OR2T1: variants seen among roughly 807,000 people sequenced by gnomAD.
OR2T1 encodes the protein olfactory receptor family 2 subfamily T member 1.
For synonymous variants in OR2T1, 186 were observed against 145.4 expected (o/e 1.28, Z -2.01); for missense variants, 440 against 390.2 (o/e 1.13, Z -1.07).
At chr1:248,404,245 G>GGCTGCTATTACAT in intron 1 of OR2T1, among the ~76,000 whole-genome samples, 29 of 151,068 alleles carry the variant, frequency 1.9e-4, no homozygotes, top group South Asian at 1.0e-3. Flanking sequence ...AGACAGCAGA[G>GGCTGCTATTACAT]ACCACTGTTT....
chr1:248,405,004 C>A (rs1661525464), intron 1 of OR2T1, among the ~76,000 whole-genome samples: 1 of 152,076 alleles, frequency 6.6e-6, no homozygotes, highest in Admixed American at 6.6e-5. Context: ...TACTTCTTAG[C>A]ATGACACTTT....
Position 248,406,557 on chromosome 1 carries a change from G to A in OR2T1, c.410G>A (p.Arg137His), listed in dbSNP as rs141385938. Residue 137 changes from arginine to histidine, a missense_variant, in exon 2 of 2, where the codon CGC becomes CAC. Coordinates refer to ENST00000642005, the MANE Select transcript of OR2T1 (RefSeq NM_030904.2). ...CTGAGATACCCTGTCCTCATGAGCC[G>A]CCGGGTCTGTTGGATGATTATAGCA... ...NPLRYPVLMS[R>H]RVCWMIIAGS... The A allele has an allele frequency of 1.9e-5, 30 of 1,614,088 alleles. 1 individual carries two copies. The highest frequency in any genetic ancestry group is 1.5e-4 in the Admixed American group (9 of 60,002).
chr1:248,406,966 C>A lies in OR2T1; in HGVS notation c.819C>A (p.Leu273=), dbSNP rs762761236. ...SYHKPAQDKV[L]SVFYTILTPM... ...ACAAGCCAGCCCAGGACAAAGTCCT[C>A]TCTGTGTTTTACACCATTCTCACAC... Residue 273 remains leucine (L), a synonymous_variant, in exon 2 of 2, where the codon CTC becomes CTA. Transcript: ENST00000642005. The A allele has an allele frequency of 6.2e-7, 1 of 1,614,030 alleles. No homozygotes were observed. The highest frequency in any genetic ancestry group is 1.3e-5 in the African/African-American group (1 of 74,918).
intron 1 of OR2T1, among the ~76,000 whole-genome samples, chr1:248,403,768 T>C (rs1009720926): frequency 3.9e-5 from 6 of 152,172 alleles, no homozygotes; most frequent in Non-Finnish European, 8.8e-5. Context: ...CAAAACATTT[T>C]ACTTAAAATC....
In OR2T1 at chr1:248,406,446, A is replaced by T. The variant is rs1378557617; in HGVS notation, c.299A>T (p.His100Leu). Residue 100 changes from histidine to leucine, a missense_variant, in exon 2 of 2, where the codon CAC becomes CTC. Coordinates refer to ENST00000642005, the MANE Select transcript of OR2T1 (RefSeq NM_030904.2). ...TCCTTTGTGGGGTGCACAGCTCAAC[A>T]CTTCCTCTACCTTACCCTTGTGGGA... ...TISFVGCTAQHFLYLTLVGAE... is the reference protein window; with the variant it reads ...TISFVGCTAQLFLYLTLVGAE... 6.2e-7 allele frequency: 1 copy of T among 1,614,090 alleles called. No homozygotes were observed.
chr1:248,404,250 C>CAGAGAGCAGAGGGCGCTATTACATATACG (rs1334511727), intron 1 of OR2T1, among the ~76,000 whole-genome samples: 6 of 6,006 alleles, frequency 1.0e-3, no homozygotes, highest in African/African-American at 2.5e-3. Flanking sequence ...GCAGAGACCA[C>CAGAGAGCAGAGGGCGCTATTACATATACG]TGTTTGACTT....
At chr1:248,403,522 G>A (rs531595764) in intron 1 of OR2T1, among the ~76,000 whole-genome samples, 1 of 152,188 alleles carries the variant, frequency 6.6e-6, no homozygotes, top group African/African-American at 2.4e-5. Context: ...AATTAATGTC[G>A]TGACCAGAGG....
chr1:248,407,252 A>AGTTGT lies in OR2T1; in HGVS notation c.*151_*152insGTGTT. 1.5e-6 allele frequency: 1 copy of AGTTGT among 667,208 alleles called. No homozygotes were observed. The highest frequency in any genetic ancestry group is 3.0e-5 in the East Asian group (1 of 33,838). 41.3% of individuals were successfully genotyped at this position (667,208 alleles called of 1,614,324 possible). On this transcript the variant is annotated 3_prime_UTR_variant, in exon 2 of 2. Transcript: ENST00000642005. ...TAGGGTTTCTGGTTCATAACTCCAT[A>AGTTGT]GTTATGATGTTGTGGTTTTTTAGGC...
intron 1 of OR2T1, among the ~76,000 whole-genome samples, chr1:248,405,776 G>A (rs183603314): frequency 1.1e-3 from 172 of 152,294 alleles, no homozygotes; most frequent in African/African-American, 3.9e-3. Context: ...AAATTTAAAT[G>A]CATCTAAGGT....
chr1:248,406,277 AT>A lies in OR2T1; in HGVS notation c.131del (p.Met44ArgfsTer4). On this transcript the variant is annotated frameshift_variant, in exon 2 of 2. Coordinates refer to ENST00000642005, the MANE Select transcript of OR2T1 (RefSeq NM_030904.2). LOFTEE classifies it low-confidence loss of function (END_TRUNC). ...FFTALMANGV[M>X]IFLIQTDLRL... ...CACCGCACTGATGGCCAATGGGGTT[AT>A]GATCTTCCTGATCCAAACAGATTTG... is the stretch of plus-strand genomic sequence containing the variant. 1 of 1,614,162 alleles carries A rather than the reference AT, an allele frequency of 6.2e-7. No individual in the cohort carries two copies. The highest frequency in any genetic ancestry group is 1.3e-5 in the African/African-American group (1 of 75,040).
chr1:248,404,118 C>T (rs1329968136), intron 1 of OR2T1, among the ~76,000 whole-genome samples: 2 of 6,238 alleles, frequency 3.2e-4, no homozygotes, highest in African/African-American at 7.7e-4. Flanking sequence ...ATTGCCAGAG[C>T]TACGGAAAAA....
chr1:248,407,248 C>G lies in OR2T1; in HGVS notation c.*144C>G. The stretch of plus-strand genomic sequence containing the variant: ...TGGCTAGGGTTTCTGGTTCATAACT[C>G]CATAGTTATGATGTTGTGGTTTTTT... On this transcript the variant is annotated 3_prime_UTR_variant, in exon 2 of 2. Coordinates refer to ENST00000642005, the MANE Select transcript of OR2T1 (RefSeq NM_030904.2). 1.8e-6 allele frequency: 1 copy of G among 552,202 alleles called. No homozygotes were observed. The allele number at this position is 552,202 out of a possible 1,614,324, so 34.2% of individuals were successfully genotyped here. A position where few individuals can be genotyped will look rare whatever the true frequency, so the allele number is the denominator to read the frequency against.
intron 1 of OR2T1, 81 bp from the exon 2 acceptor site, chr1:248,406,034 C>T (rs1661546495): frequency 6.2e-7 from 1 of 1,612,608 alleles, no homozygotes; most frequent in Admixed American, 1.7e-5. Flanking sequence ...TTTCTTCCCA[C>T]TTTTAAAAGT....
At position 248,406,491 on chromosome 1, in the gene OR2T1, G is replaced by A. The variant is rs904788984; in HGVS notation, c.344G>A (p.Gly115Asp). Reference protein sequence around the residue: ...TLVGAEFFLLGLMAYDRYVAI... With the variant: ...TLVGAEFFLLDLMAYDRYVAI... The stretch of plus-strand genomic sequence containing the variant: ...GTGGGAGCTGAATTCTTCCTGCTGG[G>A]CCTCATGGCCTATGACCGCTATGTG... Residue 115 changes from glycine to aspartate, a missense_variant, in exon 2 of 2, where the codon GGC becomes GAC. By Grantham distance (94) the Gly-to-Asp change is moderately conservative (BLOSUM62 -1). Transcript: ENST00000642005. 2 of 1,614,098 alleles carry A rather than the reference G, an allele frequency of 1.2e-6. No individual in the cohort carries two copies. The highest frequency in any genetic ancestry group is 1.3e-5 in the African/African-American group (1 of 75,008).
Position 248,406,126 on chromosome 1 carries a change from T to C in OR2T1, c.-22T>C, listed in dbSNP as rs1341538809. The C allele has an allele frequency of 3.7e-6, 6 of 1,614,006 alleles. No individual in the cohort carries two copies. Among genetic ancestry groups the C allele is most frequent in the Non-Finnish European group, 8.5e-7 (1 of 1,179,992 alleles). ...ATCTTATTTGGAAGATATTACCTTA[T>C]ATCGGCACAACTGTAGGATCAATGG... On this transcript the variant is annotated 5_prime_UTR_variant, in exon 2 of 2. Transcript: ENST00000642005.
In OR2T1 at chr1:248,407,192, A is replaced by T; in HGVS notation, c.*88A>T. On this transcript the variant is annotated 3_prime_UTR_variant, in exon 2 of 2. Coordinates refer to ENST00000642005, the MANE Select transcript of OR2T1 (RefSeq NM_030904.2). ...TCATCAAAAGATGAAGCAAAAAGGG[A>T]GGGAGTCATATGATTACAATATTGG... is the stretch of plus-strand genomic sequence containing the variant. 1 of 1,297,224 alleles carries T rather than the reference A, an allele frequency of 7.7e-7. No individual in the cohort carries two copies. The highest frequency in any genetic ancestry group is 2.3e-5 in the East Asian group (1 of 42,570). The allele number at this position is 1,297,224 out of a possible 1,614,324, so 80.4% of individuals were successfully genotyped here. A position where few individuals can be genotyped will look rare whatever the true frequency, so the allele number is the denominator to read the frequency against.
Position 248,406,935 on chromosome 1 carries a change from C to G in OR2T1, c.788C>G (p.Ser263Cys). Residue 263 changes from serine (S) to cysteine (C), a missense_variant, in exon 2 of 2, where the codon TCT (serine) becomes TGT (cysteine). Physicochemically the swap from Ser to Cys is moderately radical, Grantham distance 112 (BLOSUM62 -1). Coordinates refer to ENST00000642005, the MANE Select transcript of OR2T1 (RefSeq NM_030904.2). ...ATGTACACCTACATGCTGCCACATT[C>G]TTACCACAAGCCAGCCCAGGACAAA... ...AAMYTYMLPHSYHKPAQDKVL... is the reference protein window; with the variant it reads ...AAMYTYMLPHCYHKPAQDKVL... 6.2e-7 allele frequency: 1 copy of G among 1,614,132 alleles called. No homozygotes were observed. Among genetic ancestry groups the G allele is most frequent in the Non-Finnish European group, 8.5e-7 (1 of 1,179,992 alleles).
chr1:248,407,378 A>C lies in OR2T1; in HGVS notation c.*274A>C. 2.5e-6 allele frequency: 1 copy of C among 393,382 alleles called. No individual in the cohort carries two copies. The highest frequency in any genetic ancestry group is 4.5e-6 in the Non-Finnish European group (1 of 223,350). 24.4% of individuals were successfully genotyped at this position (393,382 alleles called of 1,614,324 possible). A position where few individuals can be genotyped will look rare whatever the true frequency, so the allele number is the denominator to read the frequency against. ...CCTTAGAAACTAAAAATATAATCCA[A>C]TCTTTCCCCGCTTTTGGTCACAAAG... On this transcript the variant is annotated 3_prime_UTR_variant, in exon 2 of 2. Coordinates refer to ENST00000642005, the MANE Select transcript of OR2T1 (RefSeq NM_030904.2).
At chr1:248,406,086 C>T (rs1047784833) in intron 1 of OR2T1, 29 bp from the exon 2 acceptor site, 4 of 1,613,708 alleles carry the variant, frequency 2.5e-6, no homozygotes, top group Non-Finnish European at 3.4e-6. Context: ...ATTTTACTGC[C>T]CTGGGAATGC....
Sources: allele counts gnomAD v4.1 joint callset (sites outside exome capture counted in the v4.1 genomes callset), GRCh38; gene constraint gnomAD v4.1.1; transcripts MANE v1.5; gene names NCBI Gene and HGNC (gene_info 2026-07-23, HGNC 2026-07-21).